The following SFT2D1 variants were observed in gnomAD, a reference collection of about 807,000 sequenced individuals.
The protein encoded by SFT2D1 is SFT2 domain containing 1.
Under a neutral mutation model 28.1 loss-of-function variants are expected in SFT2D1, and 24 were observed. That is an observed-to-expected ratio of 0.85 (90% CI 0.62 to 1.20). The LOEUF (loss-of-function observed/expected upper bound fraction) is 1.20. SFT2D1 is among the 50% of genes most tolerant of loss of function. SFT2D1 has a pLI of 0.00. For synonymous variants in SFT2D1, 82 were observed against 73.7 expected, an observed-to-expected ratio of 1.11 and a Z score of -0.58; for missense variants, 181 against 190.9, an observed-to-expected ratio of 0.95 and a Z score of 0.31.
intron 5 of SFT2D1, chr6:166,325,843 T>TA (rs1345118848): frequency 3.9e-5 from 19 of 481,514 alleles, no homozygotes; most frequent in African/African-American, 3.7e-4. Context: ...GTTTACTGAC[T>TA]ACCTCTATGC....
intron 7 of SFT2D1, among the ~76,000 whole-genome samples, chr6:166,321,142 CA>C (rs1562440808): frequency 6.6e-6 from 1 of 151,832 alleles, no homozygotes; most frequent in Non-Finnish European, 1.5e-5. Context: ...AACTGAGTTT[CA>C]AAACTGTAAT....
At chr6:166,325,840 G>A in intron 5 of SFT2D1, 2 of 475,172 alleles carry the variant, frequency 4.2e-6, no homozygotes, top group Non-Finnish European at 7.6e-6. Context: ...TGTGTTTACT[G>A]ACTACCTCTA....
intron 1 of SFT2D1, among the ~76,000 whole-genome samples, chr6:166,337,410 G>A (rs998329741): frequency 1.3e-5 from 2 of 152,114 alleles, no homozygotes; most frequent in African/African-American, 4.8e-5. Context: ...CAACAGCACA[G>A]GACACTTTGG....
intron 7 of SFT2D1, among the ~76,000 whole-genome samples, chr6:166,320,587 C>CT (rs1416315849): frequency 1.3e-5 from 2 of 151,740 alleles, no homozygotes; most frequent in Non-Finnish European, 2.9e-5. Flanking sequence ...GGTTCTCACT[C>CT]TGTCTTCCAG....
At chr6:166,327,389 T>G (rs772149503) in intron 4 of SFT2D1, among the ~76,000 whole-genome samples, 45 of 152,062 alleles carry the variant, frequency 3.0e-4, no homozygotes, top group Non-Finnish European at 6.0e-4. Context: ...CTAGCCAAAG[T>G]GTAAGCTCTC....
chr6:166,330,853 G>A (rs1218765465), intron 1 of SFT2D1, among the ~76,000 whole-genome samples: 1 of 152,196 alleles, frequency 6.6e-6, no homozygotes, highest in Non-Finnish European at 1.5e-5. Flanking sequence ...GGTAGAGGAC[G>A]CTGGCCACCT....
At chr6:166,322,439 C>T (rs1030616025) in intron 7 of SFT2D1, among the ~76,000 whole-genome samples, 1 of 151,868 alleles carries the variant, frequency 6.6e-6, no homozygotes, top group African/African-American at 2.4e-5. Context: ...CGGTTGTAAT[C>T]CCAGCACTTT....
chr6:166,326,418 C>T (rs1778446223), intron 4 of SFT2D1, among the ~76,000 whole-genome samples: 1 of 152,070 alleles, frequency 6.6e-6, no homozygotes, highest in Non-Finnish European at 1.5e-5. Context: ...ATGATCATTC[C>T]ACATCCCCAT....
chr6:166,324,334 C>T (rs922292470), intron 6 of SFT2D1: 59 of 501,906 alleles, frequency 1.2e-4, no homozygotes, highest in African/African-American at 1.1e-3. Context: ...GAGCACAGCA[C>T]CCCATACTTC....
chr6:166,320,731 G>A (rs1230423327), intron 7 of SFT2D1, among the ~76,000 whole-genome samples: 1 of 150,120 alleles, frequency 6.7e-6, no homozygotes, highest in African/African-American at 2.5e-5. Flanking sequence ...TGCCCAAGCT[G>A]GTCTCAAACT....
At chr6:166,332,424 T>C (rs7753161) in intron 1 of SFT2D1, among the ~76,000 whole-genome samples, 32,410 of 152,054 alleles carry the variant, frequency 0.21, 3,679 homozygotes, top group East Asian at 0.34. Context: ...CTGACTAATT[T>C]TTTGTATTTT....
chr6:166,322,819 A>G (rs1268292517), intron 7 of SFT2D1, 38 bp downstream of exon 7: 2 of 1,564,078 alleles, frequency 1.3e-6, no homozygotes, highest in African/African-American at 1.4e-5. Context: ...GAAGATAAGT[A>G]AAGAACCAGA....
At chr6:166,337,126 G>A (rs1029873648) in intron 1 of SFT2D1, among the ~76,000 whole-genome samples, 1 of 152,218 alleles carries the variant, frequency 6.6e-6, no homozygotes, top group Admixed American at 6.5e-5. Flanking sequence ...GTAGCCCCTG[G>A]GGAGGTGCAG....
At chr6:166,327,751 T>A (rs1357952641) in intron 4 of SFT2D1, among the ~76,000 whole-genome samples, 1 of 152,316 alleles carries the variant, frequency 6.6e-6, no homozygotes, top group African/African-American at 2.4e-5. Flanking sequence ...ACCCAGCCAG[T>A]AGTCTTAGAC....
rs532879321 is a variant in SFT2D1, at chr6:166,328,529, G to A, written c.234-172C>T. 9.2e-5 allele frequency among the ~76,000 whole-genome samples: 14 copies of A among 152,012 alleles called. No individual in the cohort carries two copies. The South Asian group carries it at 2.9e-3, about 32-fold the overall frequency. ...AAGAAACTTTACAACTATACCAATA[G>A]ACATGCTATGGTGTGAAGGTGTCTT... On this transcript the variant is annotated intron_variant, in intron 3 of 7. Coordinates refer to ENST00000361731, the MANE Select transcript of SFT2D1 (RefSeq NM_145169.3).
At chr6:166,321,578 T>C (rs112207727) in intron 7 of SFT2D1, among the ~76,000 whole-genome samples, 1 of 152,242 alleles carries the variant, frequency 6.6e-6, no homozygotes, top group African/African-American at 2.4e-5. Context: ...GAAAGAATCA[T>C]ACATTTGAAA....
At chr6:166,339,167 C>A (rs913494630) in intron 1 of SFT2D1, among the ~76,000 whole-genome samples, 2 of 152,098 alleles carry the variant, frequency 1.3e-5, no homozygotes, top group Admixed American at 1.3e-4. Context: ...TATGTCCTCA[C>A]CCTCTTCTCT....
Position 166,319,854 on chromosome 6 carries a change from C to T in SFT2D1, c.*363G>A, listed in dbSNP as rs1022697818. ...TAAAGTAAAAAAAATCTTAAAAATG[C>T]AGACATTTTTTAAAAGCAAAAAAGT... On this transcript the variant is annotated 3_prime_UTR_variant, in exon 8 of 8. Transcript: ENST00000361731. The T allele has an allele frequency of 3.1e-5, 5 of 160,248 alleles. No homozygotes were observed. Among genetic ancestry groups the T allele is most frequent in the African/African-American group, 1.2e-4 (5 of 41,642 alleles). 9.9% of individuals were successfully genotyped at this position (160,248 alleles called of 1,614,324 possible).
At chr6:166,337,563 T>C (rs1778679703) in intron 1 of SFT2D1, among the ~76,000 whole-genome samples, 1 of 151,986 alleles carries the variant, frequency 6.6e-6, no homozygotes, top group South Asian at 2.1e-4. Context: ...GCTTCCTCCT[T>C]GTGTTTCTCT....
Sources: gnomAD v4.1 joint callset for allele counts (sites outside exome capture counted in the v4.1 genomes callset) on GRCh38, gnomAD v4.1.1 for gene constraint, MANE v1.5 for transcripts, NCBI Gene and HGNC (gene_info 2026-07-23, HGNC 2026-07-21) for gene names.